Variants in GDAP1 observed in about 807,000 individuals in gnomAD.
GDAP1 encodes the protein ganglioside induced differentiation associated protein 1.
A neutral mutation model predicts 40.1 loss-of-function variants in GDAP1; 34 were observed. That is an observed-to-expected ratio of 0.85 (90% confidence interval 0.64 to 1.13). The LOEUF (loss-of-function observed/expected upper bound fraction) is 1.13. Ranked by LOEUF, GDAP1 falls within the 50% of genes most tolerant of loss-of-function variation. The pLI is 0.00. For synonymous variants in GDAP1, 170 were observed against 157.4 expected (o/e 1.08, Z -0.60); for missense variants, 374 against 433.7 (o/e 0.86, Z 1.22).
At chr8:74,367,833 A>T (rs1267465315), downstream of GDAP1, among the ~76,000 whole-genome samples, 2 of 152,238 alleles carry the variant, frequency 1.3e-5, no homozygotes, top group East Asian at 1.9e-4. Context: ...CAGTGGATGG[A>T]TGACAGCAGT....
intron 2 of GDAP1, among the ~76,000 whole-genome samples, chr8:74,462,142 G>T (rs1219538421): frequency 6.6e-6 from 1 of 152,214 alleles, no homozygotes; most frequent in Admixed American, 6.5e-5. Context: ...ATTTAAAAGA[G>T]TTAAGAATAT....
rs774799079 is a variant in GDAP1, at chr8:74,351,327, T to C, written c.171T>C (p.Ser57=). 2 of 1,614,188 alleles carry C rather than the reference T, an allele frequency of 1.2e-6. No homozygotes were observed. Among genetic ancestry groups the C allele is most frequent in the Non-Finnish European group, 1.7e-6 (2 of 1,179,996 alleles). The change falls in exon 2 of 6, where the codon AGT becomes AGC. Residue 57 remains serine, a synonymous_variant. Coordinates refer to ENST00000220822, the MANE Select transcript of GDAP1 (RefSeq NM_018972.4). ...TGAAGTGCGAGGAACATGATGTAAG[T>C]CTGCCCTTGAGTGAGCACAATGAGC... ...KALKCEEHDV[S]LPLSEHNEPW...
At chr8:74,448,027 T>C (rs1280876434) in intron 2 of GDAP1, among the ~76,000 whole-genome samples, 4 of 152,212 alleles carry the variant, frequency 2.6e-5, no homozygotes, top group African/African-American at 4.8e-5. Flanking sequence ...TTAAAGAAAT[T>C]ACCTGGTGGA....
chr8:74,374,743 A>G, intron 2 of GDAP1, among the ~76,000 whole-genome samples: 1 of 152,240 alleles, frequency 6.6e-6, no homozygotes, highest in South Asian at 2.1e-4. Context: ...TAGCAACTAG[A>G]TGAAATTGAC....
rs1809525375 is a variant in GDAP1 at position 74,364,412 on chromosome 8, A to G, written c.*45A>G. On this transcript the variant is annotated 3_prime_UTR_variant, in exon 6 of 6. Transcript: ENST00000220822. ...TGGCAGCTCATCCAAGCATTTAGCT[A>G]GACCCTGTGATTGCCCGTGGCTCTC... is the stretch of plus-strand genomic sequence containing the variant. 6 of 1,589,642 alleles carry G rather than the reference A, an allele frequency of 3.8e-6. No homozygotes were observed. The East Asian group carries it at 1.3e-4, about 35-fold the overall frequency.
intron 2 of GDAP1, among the ~76,000 whole-genome samples, chr8:74,475,441 AAC>A (rs1331292635): frequency 6.6e-6 from 1 of 152,048 alleles, no homozygotes; most frequent in African/African-American, 2.4e-5. Flanking sequence ...TTTTCCTTTT[AAC>A]ACTTCCTTAG....
At chr8:74,484,888 T>C (rs993555540) in intron 2 of GDAP1, among the ~76,000 whole-genome samples, 9 of 152,242 alleles carry the variant, frequency 5.9e-5, no homozygotes, top group Admixed American at 5.2e-4. Flanking sequence ...TGTTCTCTCA[T>C]TACCACCGGC....
chr8:74,365,048 A>G lies in GDAP1; in HGVS notation c.*681A>G, dbSNP rs1809556465. On this transcript the variant is annotated 3_prime_UTR_variant, in exon 6 of 6. Coordinates refer to ENST00000220822, the MANE Select transcript of GDAP1 (RefSeq NM_018972.4). Reference sequence around the variant, plus strand: ...TTTTAGATGGTGCCTGTGAGATACCATTCCTCTGGATGGTCATGTCCAGTC... The same window carrying G: ...TTTTAGATGGTGCCTGTGAGATACCGTTCCTCTGGATGGTCATGTCCAGTC... 4.4e-6 allele frequency: 2 copies of G among 454,064 alleles called. No homozygotes were observed. Among genetic ancestry groups the G allele is most frequent in the African/African-American group, 2.0e-5 (1 of 50,128 alleles). 28.1% of individuals were successfully genotyped at this position (454,064 alleles called of 1,614,324 possible).
chr8:74,388,409 T>C (rs1175329268), intron 2 of GDAP1, among the ~76,000 whole-genome samples: 3 of 152,202 alleles, frequency 2.0e-5, no homozygotes, highest in Non-Finnish European at 4.4e-5. Context: ...AAAGAACTTA[T>C]TTATTTCTGT....
At chr8:74,448,896 T>C (rs1462517340) in intron 2 of GDAP1, among the ~76,000 whole-genome samples, 1 of 152,050 alleles carries the variant, frequency 6.6e-6, no homozygotes, top group Admixed American at 6.6e-5. Flanking sequence ...ACATTTTAAT[T>C]TTATGAAGTC....
chr8:74,478,669 G>T (rs1245540676), intron 2 of GDAP1, among the ~76,000 whole-genome samples: 1 of 152,178 alleles, frequency 6.6e-6, no homozygotes, highest in African/African-American at 2.4e-5. Flanking sequence ...CAGCCTAGGG[G>T]AATGGGTGTC....
chr8:74,356,995 A>T (rs374953803), intron 2 of GDAP1, among the ~76,000 whole-genome samples: 3 of 152,220 alleles, frequency 2.0e-5, no homozygotes, highest in East Asian at 3.9e-4. Context: ...GATTACAGGC[A>T]TGAGCCACCG....
rs1805979777 is a variant in GDAP1 at position 74,428,381 on chromosome 8, GA to G, written c.166-60295del. 3.3e-5 allele frequency among the ~76,000 whole-genome samples: 5 copies of G among 152,192 alleles called. No individual in the cohort carries two copies. The East Asian group carries it at 9.6e-4, about 29-fold the overall frequency. ...GGTGGTGTCCCCGACCATCACAGGAGAACCAGAGTAACCCTTAAATGTGTAG... is the reference window on the plus strand; with the variant it reads ...GGTGGTGTCCCCGACCATCACAGGAGACCAGAGTAACCCTTAAATGTGTAG... On this transcript the variant is annotated intron_variant, in intron 2 of 2. Coordinates refer to the GDAP1 transcript ENST00000523640.
intron 2 of GDAP1, among the ~76,000 whole-genome samples, chr8:74,389,598 T>C (rs1810077307): frequency 6.6e-6 from 1 of 152,234 alleles, no homozygotes; most frequent in African/African-American, 2.4e-5. Context: ...TCTCTCTGGC[T>C]GCCCTTAATG....
In GDAP1 at chr8:74,364,064, G is replaced by A; in HGVS notation, c.774G>A (p.Leu258=). 6.2e-7 allele frequency: 1 copy of A among 1,614,140 alleles called. No homozygotes were observed. Among genetic ancestry groups the A allele is most frequent in the Non-Finnish European group, 8.5e-7 (1 of 1,179,994 alleles). Residue 258 remains leucine (L), a synonymous_variant, in exon 6 of 6, where the codon CTG becomes CTA. Transcript: ENST00000220822. ...CACTCGCTGTCACATTGCATCGACT[G>A]AAGTTCCTGGGGTTTGCAAGGAGAA... ...DVSLAVTLHR[L]KFLGFARRNW...
At chr8:74,352,027 A>G (rs1808900446) in intron 2 of GDAP1, among the ~76,000 whole-genome samples, 1 of 152,232 alleles carries the variant, frequency 6.6e-6, no homozygotes, top group Admixed American at 6.5e-5. Flanking sequence ...CAGACATTTT[A>G]TAATTTCTTC....
chr8:74,384,681 C>CAATAT (rs1279810245), intron 2 of GDAP1, among the ~76,000 whole-genome samples: 4 of 152,170 alleles, frequency 2.6e-5, no homozygotes, highest in Non-Finnish European at 5.9e-5. Context: ...TTTCAGGTTT[C>CAATAT]ACTACAAAAA....
rs563164541 is a variant in GDAP1, at chr8:74,416,928, T to G, written c.165+65607T>G. ...TTTTTTTTTTTGTTTTTTTGTTTTT[T>G]GTTTTTTTTTTTTTTAACAGAGGCA... On this transcript the variant is annotated intron_variant, in intron 2 of 2. Coordinates refer to the GDAP1 transcript ENST00000523640. Among the ~76,000 whole-genome samples, 85 of 97,950 alleles carry G rather than the reference T, an allele frequency of 8.7e-4. 9 individuals are homozygous for G. The highest frequency in any genetic ancestry group is 3.6e-3 in the African/African-American group (79 of 21,678). The allele number at this position is 97,950 out of a possible 152,430, so 64.3% of individuals were successfully genotyped here.
At chr8:74,457,100 C>CT (rs1806345337) in intron 2 of GDAP1, among the ~76,000 whole-genome samples, 1 of 151,988 alleles carries the variant, frequency 6.6e-6, no homozygotes, top group Non-Finnish European at 1.5e-5. Flanking sequence ...TTCTGTAATT[C>CT]TTTTTATGTC....
Sources: gnomAD v4.1 joint callset for allele counts (sites outside exome capture counted in the v4.1 genomes callset) on GRCh38, gnomAD v4.1.1 for gene constraint, MANE v1.5 for transcripts, NCBI Gene and HGNC (gene_info 2026-07-23, HGNC 2026-07-21) for gene names.